Variants in C12orf42 observed in about 807,000 individuals in gnomAD.
C12orf42 encodes the protein chromosome 12 open reading frame 42.
A neutral mutation model predicts 21.6 loss-of-function variants in C12orf42; 25 were observed. The ratio of observed to expected loss-of-function variants is 1.16; its 90% CI spans 0.84 to 1.62. The LOEUF (loss-of-function observed/expected upper bound fraction) is 1.62. C12orf42 is among the 40% of genes most tolerant of loss of function. The probability of loss-of-function intolerance (pLI) is 0.00; values close to 1 mark genes in which losing one functional copy is unlikely to be tolerated. For missense variants in C12orf42, 483 were observed against 459.3 expected, an observed-to-expected ratio of 1.05 and a Z score of -0.47; for synonymous variants, 174 against 175.0, an observed-to-expected ratio of 0.99 and a Z score of 0.05.
chr12:103,301,409 C>G (rs2037639704), downstream of C12orf42, among the ~76,000 whole-genome samples: 1 of 152,110 alleles, frequency 6.6e-6, no homozygotes, highest in East Asian at 1.9e-4. Context: ...TCTCAGAATC[C>G]TACCGTGAAG....
intron 4 of C12orf42, chr12:103,349,287 T>C (rs1455378672): frequency 6.6e-6 from 1 of 152,090 alleles, no homozygotes; most frequent in Non-Finnish European, 1.5e-5. Context: ...AGAGTCTCGA[T>C]ATGCAGAACA....
At chr12:103,201,410 T>C in the C12orf42 span, among the ~76,000 whole-genome samples, 3 of 152,118 alleles carry the variant, frequency 2.0e-5, no homozygotes, top group Admixed American at 1.3e-4. Flanking sequence ...GGATATCCTA[T>C]AAAATCCACT....
At chr12:103,185,132 G>A in the C12orf42 span, among the ~76,000 whole-genome samples, 3 of 152,190 alleles carry the variant, frequency 2.0e-5, no homozygotes, top group East Asian at 1.9e-4. Flanking sequence ...TGAGCAGGGA[G>A]AAAAAGCAAT....
chr12:103,467,556 G>A (rs1488686335), intron 2 of C12orf42, among the ~76,000 whole-genome samples: 1 of 152,156 alleles, frequency 6.6e-6, no homozygotes, highest in African/African-American at 2.4e-5. Flanking sequence ...ACCCGCTGGA[G>A]GGTAGAACAG....
chr12:103,372,160 C>T (rs975195947), intron 3 of C12orf42, among the ~76,000 whole-genome samples: 1 of 152,110 alleles, frequency 6.6e-6, no homozygotes, highest in Non-Finnish European at 1.5e-5. Context: ...GTCCCATTCC[C>T]TCCTCTGCAG....
At chr12:103,524,625 T>A in the C12orf42 span, among the ~76,000 whole-genome samples, 1 of 152,212 alleles carries the variant, frequency 6.6e-6, no homozygotes, top group Admixed American at 6.5e-5. Flanking sequence ...TTCAAGTTAT[T>A]TGAAATGTGT....
chr12:103,407,198 G>T (rs1261795446), intron 2 of C12orf42, among the ~76,000 whole-genome samples: 1 of 152,038 alleles, frequency 6.6e-6, no homozygotes, highest in Non-Finnish European at 1.5e-5. Context: ...GATTGCAGAG[G>T]GGGATAGGAT....
the C12orf42 span, among the ~76,000 whole-genome samples, chr12:103,122,661 G>C: frequency 2.0e-5 from 3 of 152,174 alleles, no homozygotes; most frequent in Admixed American, 1.3e-4. Context: ...GGAGAAATGT[G>C]AGGGCTGAGG....
chr12:103,497,651 C>G (rs1221511511), upstream of C12orf42, among the ~76,000 whole-genome samples: 1 of 152,186 alleles, frequency 6.6e-6, no homozygotes, highest in Non-Finnish European at 1.5e-5. Flanking sequence ...AGCAAATAAT[C>G]CTTGAGTACC....
chr12:103,398,075 G>A (rs1191290307), intron 3 of C12orf42, among the ~76,000 whole-genome samples: 1 of 152,012 alleles, frequency 6.6e-6, no homozygotes, highest in East Asian at 1.9e-4. Context: ...TAAAATAAAA[G>A]GTGTTTGCAT....
chr12:103,131,078 G>T, the C12orf42 span, among the ~76,000 whole-genome samples: 1 of 152,172 alleles, frequency 6.6e-6, no homozygotes, highest in South Asian at 2.1e-4. Context: ...ATTTCCAGCT[G>T]CCTACATGGG....
chr12:103,060,685 T>A, the C12orf42 span, among the ~76,000 whole-genome samples: 1 of 152,078 alleles, frequency 6.6e-6, no homozygotes, highest in Non-Finnish European at 1.5e-5. Flanking sequence ...TCTACAACCA[T>A]CTGGTCTTCC....
chr12:103,302,680 G>GAAAAAA, intron 5 of C12orf42, 121 bp from the exon 6 acceptor site: 2 of 467,720 alleles, frequency 4.3e-6, no homozygotes, highest in African/African-American at 2.3e-5. Context: ...AGAGGGGAAA[G>GAAAAAA]AAAAAAAAAA....
At chr12:103,287,072 G>A (rs2036514139) in intron 4 of C12orf42, among the ~76,000 whole-genome samples, 1 of 152,210 alleles carries the variant, frequency 6.6e-6, no homozygotes. Context: ...TGGAGAGGAT[G>A]TGGAGAAATA....
At chr12:103,224,181 G>T in the C12orf42 span, among the ~76,000 whole-genome samples, 1 of 152,204 alleles carries the variant, frequency 6.6e-6, no homozygotes, top group Admixed American at 6.5e-5. Flanking sequence ...CTCAGGTCAC[G>T]TTGAGTAAAG....
At chr12:103,274,447 T>G (rs896955438) in intron 5 of C12orf42, among the ~76,000 whole-genome samples, 2 of 152,206 alleles carry the variant, frequency 1.3e-5, no homozygotes, top group Non-Finnish European at 2.9e-5. Context: ...TAATAATTTT[T>G]TTCTTTCCCT....
chr12:103,559,195 T>C, the C12orf42 span: 1 of 152,182 alleles, frequency 6.6e-6, no homozygotes, highest in Non-Finnish European at 1.5e-5. Context: ...GAAGTCTGAG[T>C]AGCCAACATC....
At chr12:103,110,638 C>T in the C12orf42 span, among the ~76,000 whole-genome samples, 1 of 152,138 alleles carries the variant, frequency 6.6e-6, no homozygotes, top group African/African-American at 2.4e-5. Context: ...AAAACAACTA[C>T]ACAAAGTTTC....
At chr12:103,150,254 C>T in the C12orf42 span, among the ~76,000 whole-genome samples, 1 of 152,174 alleles carries the variant, frequency 6.6e-6, no homozygotes, top group Non-Finnish European at 1.5e-5. Flanking sequence ...ACTAGGGATA[C>T]AAATATAAAG....
Sources: allele counts gnomAD v4.1 joint callset (sites outside exome capture counted in the v4.1 genomes callset), GRCh38; gene constraint gnomAD v4.1.1; transcripts MANE v1.5; gene names NCBI Gene and HGNC (gene_info 2026-07-23, HGNC 2026-07-21).